Variants in BPTF observed in about 807,000 individuals in gnomAD.
BPTF encodes the protein nucleosome-remodeling factor subunit BPTF.
A neutral mutation model predicts 292.5 loss-of-function variants in BPTF; 18 were observed. The observed-to-expected ratio is 0.06, with a 90% CI of 0.04 to 0.09. BPTF has a LOEUF of 0.09. Among genes scored for constraint, BPTF ranks in the 10% least tolerant of loss-of-function variants. BPTF has a pLI of 1.00. For synonymous variants in BPTF, 1,225 were observed against 1,251.9 expected (o/e 0.98, Z 0.45); for missense variants, 2,726 against 3,498.7 (o/e 0.78, Z 5.57).
At chr17:67,901,413 C>A (rs1184084557) in intron 7 of BPTF, among the ~76,000 whole-genome samples, 1 of 151,696 alleles carries the variant, frequency 6.6e-6, no homozygotes, top group African/African-American at 2.4e-5. Flanking sequence ...GATAAAAAAT[C>A]CAGATGCCAT....
chr17:67,844,081 T>C (rs1466203354), intron 1 of BPTF, among the ~76,000 whole-genome samples: 4 of 116,322 alleles, frequency 3.4e-5, no homozygotes, highest in African/African-American at 2.1e-4. Context: ...TTTTTTTTTT[T>C]TTTTTTTTTT....
chr17:67,958,155 C>T (rs2067128526), intron 23 of BPTF, among the ~76,000 whole-genome samples: 1 of 151,910 alleles, frequency 6.6e-6, no homozygotes, highest in Admixed American at 6.6e-5. Flanking sequence ...TGGTGAAACC[C>T]CATCTCTACC....
chr17:67,861,931 C>A (rs1043742837), intron 2 of BPTF, among the ~76,000 whole-genome samples: 1 of 152,090 alleles, frequency 6.6e-6, no homozygotes, highest in Non-Finnish European at 1.5e-5. Context: ...TCTCTTGCAT[C>A]GTGAAATACT....
At chr17:67,977,195 C>A in intron 27 of BPTF, among the ~76,000 whole-genome samples, 1 of 152,066 alleles carries the variant, frequency 6.6e-6, no homozygotes, top group Non-Finnish European at 1.5e-5. Context: ...CTCAGGGCAT[C>A]CTTTCTTGGC....
In BPTF at chr17:67,866,540, G is replaced by T. The variant is rs140629327; in HGVS notation, c.1513G>T (p.Asp505Tyr). 2 of 1,614,032 alleles carry T rather than the reference G, an allele frequency of 1.2e-6. No homozygotes were observed. ...STKVQLAELI[D>Y]CLDKDYWEAE... ...AAAGGTCCAACTTGCAGAATTAATT[G>T]ACTGTCTAGACAAAGATTATTGGGA... Residue 505 changes from aspartate to tyrosine, a missense_variant, in exon 3 of 28, where the codon GAC (aspartate) becomes TAC (tyrosine). By Grantham distance (160) the Asp-to-Tyr change is radical (BLOSUM62 -3). This residue lies in a region of BPTF where 187 missense variants were observed against 201.5 expected (regional missense o/e 0.93). Coordinates refer to ENST00000306378, the MANE Select transcript of BPTF (RefSeq NM_182641.4).
At chr17:67,904,499 T>A (rs1034081563) in intron 8 of BPTF, among the ~76,000 whole-genome samples, 7 of 152,346 alleles carry the variant, frequency 4.6e-5, no homozygotes, top group African/African-American at 1.7e-4. Flanking sequence ...AAAAGGAGTA[T>A]TAGTTCATTA....
chr17:67,921,180 A>G (rs1296268717), intron 13 of BPTF, among the ~76,000 whole-genome samples: 3 of 140,548 alleles, frequency 2.1e-5, no homozygotes, highest in Admixed American at 7.7e-5. Context: ...ACTGCACTCC[A>G]GTCTGGGTAA....
chr17:67,852,623 C>T (rs926790118), intron 1 of BPTF, among the ~76,000 whole-genome samples: 2 of 152,156 alleles, frequency 1.3e-5, no homozygotes, highest in African/African-American at 2.4e-5. Context: ...CATCATAATT[C>T]ATTTGACTAT....
intron 4 of BPTF, among the ~76,000 whole-genome samples, chr17:67,882,604 C>G (rs1243371793): frequency 6.6e-6 from 1 of 152,228 alleles, no homozygotes; most frequent in Admixed American, 6.5e-5. Context: ...ATTGTTCACA[C>G]TAAGACTACT....
intron 1 of BPTF, among the ~76,000 whole-genome samples, chr17:67,844,812 C>A (rs558574832): frequency 2.0e-4 from 30 of 152,048 alleles, no homozygotes; most frequent in African/African-American, 7.3e-4. Context: ...GGCATGATCT[C>A]GGCTCACCGC....
intron 1 of BPTF, among the ~76,000 whole-genome samples, chr17:67,837,016 T>G (rs1473978673): frequency 1.3e-5 from 2 of 152,214 alleles, no homozygotes; most frequent in Non-Finnish European, 2.9e-5. Context: ...TAGCATGAGT[T>G]GTGAATCTTC....
intron 17 of BPTF, 60 bp from the exon 18 acceptor site, chr17:67,931,851 T>A: frequency 7.9e-7 from 1 of 1,265,196 alleles, no homozygotes; most frequent in South Asian, 1.3e-5. Flanking sequence ...GTGTTCTAAG[T>A]CCATTATACT....
chr17:67,873,212 CTT>C (rs2059854534), intron 3 of BPTF, among the ~76,000 whole-genome samples: 1 of 152,020 alleles, frequency 6.6e-6, no homozygotes, highest in African/African-American at 2.4e-5. Context: ...AATCCCAACA[CTT>C]TGTGAGGCTG....
chr17:67,892,149 A>G, intron 5 of BPTF, 115 bp downstream of exon 5: 4 of 819,056 alleles, frequency 4.9e-6, no homozygotes, highest in Non-Finnish European at 5.4e-6. Flanking sequence ...TTTTTGAATT[A>G]TATTTTCTCT....
intron 19 of BPTF, among the ~76,000 whole-genome samples, chr17:67,941,844 AACT>A (rs1555672072): frequency 1.3e-5 from 2 of 152,246 alleles, no homozygotes; most frequent in Non-Finnish European, 2.9e-5. Context: ...TTATAAATTC[AACT>A]ACTTTAAAAA....
In BPTF at chr17:67,964,775, C is replaced by T. The variant is rs541754024; in HGVS notation, c.8454+371C>T. ...CAGCACTTTGGGAGGCCAAGGTGGG[C>T]GGATCACAAGGTCAGGAGATCAGAC... On this transcript the variant is annotated intron_variant, in intron 25 of 27. Transcript: ENST00000306378. 1.6e-3 allele frequency among the ~76,000 whole-genome samples: 240 copies of T among 151,694 alleles called. 1 individual carries two copies. Among genetic ancestry groups the T allele is most frequent in the South Asian group, 0.012 (59 of 4,798 alleles).
chr17:67,871,270 C>T (rs954669570), intron 3 of BPTF, among the ~76,000 whole-genome samples: 56 of 151,912 alleles, frequency 3.7e-4, no homozygotes, highest in African/African-American at 1.3e-3. Context: ...GGCAAAACCT[C>T]GTCTTTACTA....
At chr17:67,936,426 A>G (rs553907364) in intron 18 of BPTF, among the ~76,000 whole-genome samples, 1 of 152,338 alleles carries the variant, frequency 6.6e-6, no homozygotes, top group South Asian at 2.1e-4. Flanking sequence ...GAAAACTGAC[A>G]GTTGTGGTAA....
intron 3 of BPTF, among the ~76,000 whole-genome samples, chr17:67,869,193 C>T (rs1452022668): frequency 3.9e-5 from 6 of 152,020 alleles, no homozygotes; most frequent in Non-Finnish European, 8.8e-5. Context: ...AGTACAACAA[C>T]AGAGAACCAT....
Sources: allele counts gnomAD v4.1 joint callset (sites outside exome capture counted in the v4.1 genomes callset), GRCh38; gene constraint gnomAD v4.1.1; regional missense constraint gnomAD v4.1.1; transcripts MANE v1.5; gene names NCBI Gene and HGNC (gene_info 2026-07-23, HGNC 2026-07-21).